KCNH8: variants seen among roughly 807,000 people sequenced by gnomAD.
The protein encoded by KCNH8 is voltage-gated delayed rectifier potassium channel KCNH8.
KCNH8 carries 70 observed loss-of-function variants against 103.6 expected under a neutral mutation model. The ratio of observed to expected loss-of-function variants is 0.68; its 90% CI spans 0.56 to 0.82. The LOEUF (loss-of-function observed/expected upper bound fraction) is 0.82. KCNH8 is among the 40% of genes least tolerant of loss of function. The pLI is 0.00. For synonymous variants in KCNH8, 498 were observed against 489.4 expected (o/e 1.02, Z -0.23); for missense variants, 1,217 against 1,329.9 (o/e 0.92, Z 1.32).
intron 15 of KCNH8, among the ~76,000 whole-genome samples, chr3:19,531,586 G>A (rs2069162232): frequency 2.0e-5 from 3 of 152,162 alleles, no homozygotes. Context: ...CAATTTCAAG[G>A]CAGGTGTTAC....
chr3:19,312,032 G>A (rs1459157044), intron 3 of KCNH8, among the ~76,000 whole-genome samples: 1 of 151,698 alleles, frequency 6.6e-6, no homozygotes, highest in South Asian at 2.1e-4. Context: ...TCTTTCTTCC[G>A]CAGTGTTTTG....
chr3:19,249,658 G>A (rs577748125), intron 1 of KCNH8, among the ~76,000 whole-genome samples: 70 of 152,194 alleles, frequency 4.6e-4, no homozygotes, highest in African/African-American at 1.7e-3. Context: ...ATTAATAAAT[G>A]AAGCAAGTAA....
chr3:19,176,369 G>T (rs1275173481), intron 1 of KCNH8, among the ~76,000 whole-genome samples: 2 of 152,052 alleles, frequency 1.3e-5, no homozygotes, highest in Non-Finnish European at 2.9e-5. Flanking sequence ...ATAAACATGA[G>T]GTAGAGTATT....
intron 11 of KCNH8, among the ~76,000 whole-genome samples, chr3:19,494,381 A>G (rs186173367): frequency 9.2e-4 from 139 of 151,572 alleles, no homozygotes; most frequent in African/African-American, 2.1e-3. Flanking sequence ...ATGATGGCCA[A>G]TGATTTTGAA....
At chr3:19,420,613 C>G (rs1405948717) in intron 7 of KCNH8, among the ~76,000 whole-genome samples, 1 of 152,044 alleles carries the variant, frequency 6.6e-6, no homozygotes, top group East Asian at 1.9e-4. Context: ...ACTCTGTGAC[C>G]CACTCAGGAG....
chr3:19,359,880 G>T (rs2065926180), intron 5 of KCNH8, among the ~76,000 whole-genome samples: 1 of 151,948 alleles, frequency 6.6e-6, no homozygotes, highest in African/African-American at 2.4e-5. Flanking sequence ...GAGCTTCTTT[G>T]CTTCCAGAGA....
At chr3:19,252,356 T>C (rs2064289641) in intron 1 of KCNH8, among the ~76,000 whole-genome samples, 1 of 152,148 alleles carries the variant, frequency 6.6e-6, no homozygotes, top group South Asian at 2.1e-4. Context: ...TCTTTTGTGT[T>C]AATATTACAA....
At chr3:19,413,743 T>G (rs1253597744) in intron 7 of KCNH8, among the ~76,000 whole-genome samples, 1 of 152,006 alleles carries the variant, frequency 6.6e-6, no homozygotes, top group Non-Finnish European at 1.5e-5. Flanking sequence ...AGCCAGTCAG[T>G]CTGTGGTATT....
At chr3:19,478,808 A>C (rs989042639) in intron 11 of KCNH8, among the ~76,000 whole-genome samples, 1 of 152,068 alleles carries the variant, frequency 6.6e-6, no homozygotes, top group African/African-American at 2.4e-5. Flanking sequence ...TGGGGTAGTC[A>C]TGTGCCCAGT....
chr3:19,456,729 CT>C (rs747180293), intron 10 of KCNH8, 38 bp from the exon 11 acceptor site: 20,620 of 1,031,074 alleles, frequency 0.02, 1 homozygote, highest in South Asian at 0.026. Flanking sequence ...CCTAAGCTTG[CT>C]TTTTTTTTTT....
chr3:19,367,594 T>C (rs920528138), intron 5 of KCNH8, among the ~76,000 whole-genome samples: 1 of 151,622 alleles, frequency 6.6e-6, no homozygotes, highest in Admixed American at 6.6e-5. Context: ...TAATATTCCA[T>C]CATATAATGC....
chr3:19,433,547 C>A (rs963478165), intron 7 of KCNH8, among the ~76,000 whole-genome samples: 2 of 152,166 alleles, frequency 1.3e-5, no homozygotes, highest in Non-Finnish European at 2.9e-5. Flanking sequence ...AAACTGAATT[C>A]TATGAAGGAT....
At chr3:19,258,057 T>C (rs1294367716) in intron 2 of KCNH8, among the ~76,000 whole-genome samples, 2 of 152,196 alleles carry the variant, frequency 1.3e-5, no homozygotes, top group East Asian at 1.9e-4. Flanking sequence ...ATCAGTCACA[T>C]TGGATTTGGT....
intron 3 of KCNH8, among the ~76,000 whole-genome samples, chr3:19,294,082 A>C (rs2064964764): frequency 6.6e-6 from 1 of 151,850 alleles, no homozygotes; most frequent in Non-Finnish European, 1.5e-5. Flanking sequence ...TAGCCTCTCT[A>C]AATGTGTTCT....
intron 2 of KCNH8, among the ~76,000 whole-genome samples, chr3:19,274,242 A>C (rs951044154): frequency 6.6e-6 from 1 of 152,200 alleles, no homozygotes; most frequent in Admixed American, 6.5e-5. Context: ...AATATAGTTC[A>C]GTGCAGTAAA....
At chr3:19,328,407 T>C (rs1397353648) in intron 3 of KCNH8, among the ~76,000 whole-genome samples, 1 of 152,166 alleles carries the variant, frequency 6.6e-6, no homozygotes, top group Non-Finnish European at 1.5e-5. Flanking sequence ...AGTTTTATGC[T>C]CCATGATGAA....
At chr3:19,524,765 T>TA (rs1361165677) in intron 15 of KCNH8, among the ~76,000 whole-genome samples, 3 of 151,934 alleles carry the variant, frequency 2.0e-5, no homozygotes, top group Non-Finnish European at 4.4e-5. Context: ...AGGGCCCAAG[T>TA]AAAAACCAAT....
intron 1 of KCNH8, among the ~76,000 whole-genome samples, chr3:19,210,533 G>A (rs911847494): frequency 1.3e-5 from 2 of 151,752 alleles, no homozygotes; most frequent in African/African-American, 2.4e-5. Context: ...TTATCTTCTT[G>A]TGCATCACAC....
At chr3:19,423,616 T>G (rs772919265) in intron 7 of KCNH8, among the ~76,000 whole-genome samples, 3 of 148,878 alleles carry the variant, frequency 2.0e-5, no homozygotes, top group Non-Finnish European at 4.5e-5. Context: ...CATTGCTTTG[T>G]GTGGTTAAGT....
Sources: gnomAD v4.1 joint callset for allele counts (sites outside exome capture counted in the v4.1 genomes callset) on GRCh38, gnomAD v4.1.1 for gene constraint, MANE v1.5 for transcripts, NCBI Gene and HGNC (gene_info 2026-07-23, HGNC 2026-07-21) for gene names.